Variants in PCDH7 observed in about 807,000 individuals in gnomAD.
PCDH7 encodes protocadherin-7.
In PCDH7, 17 loss-of-function variants were observed where a neutral mutation model predicts 58.9. That is an observed-to-expected ratio of 0.29 (90% CI 0.20 to 0.43). The LOEUF is 0.43. Among genes scored for constraint, PCDH7 ranks in the 20% least tolerant of loss-of-function variants. PCDH7 has a pLI of 1.00. For missense variants in PCDH7, 1,274 were observed against 1,441.0 expected, an observed-to-expected ratio of 0.88 and a Z score of 1.88; for synonymous variants, 664 against 616.4, an observed-to-expected ratio of 1.08 and a Z score of -1.14.
intron 1 of PCDH7, among the ~76,000 whole-genome samples, chr4:30,748,663 G>A (rs1317801538): frequency 1.3e-5 from 2 of 152,116 alleles, no homozygotes; most frequent in African/African-American, 2.4e-5. Flanking sequence ...TTTGATATAC[G>A]AATTTTGGGG....
chr4:31,045,925 G>GTCCTC (rs1756247896), intron 3 of PCDH7, among the ~76,000 whole-genome samples: 1 of 151,898 alleles, frequency 6.6e-6, no homozygotes, highest in African/African-American at 2.4e-5. Flanking sequence ...CCTCCAGAGG[G>GTCCTC]CACTGTCACC....
chr4:31,016,156 A>G (rs1266209487), intron 3 of PCDH7, among the ~76,000 whole-genome samples: 1 of 152,236 alleles, frequency 6.6e-6, no homozygotes, highest in Non-Finnish European at 1.5e-5. Flanking sequence ...TTAAAGTAAC[A>G]GCTATTAATG....
intron 2 of PCDH7, among the ~76,000 whole-genome samples, chr4:30,947,471 C>A (rs1460971108): frequency 6.6e-6 from 1 of 152,126 alleles, no homozygotes; most frequent in Admixed American, 6.5e-5. Flanking sequence ...ATGAGGGATG[C>A]TTTTATTATC....
intron 1 of PCDH7, among the ~76,000 whole-genome samples, chr4:30,748,449 T>C (rs1718061109): frequency 6.6e-6 from 1 of 152,178 alleles, no homozygotes; most frequent in Non-Finnish European, 1.5e-5. Flanking sequence ...AGTCCTCTCA[T>C]GTTGGAAGGC....
intron 3 of PCDH7, among the ~76,000 whole-genome samples, chr4:31,132,328 G>A (rs1047470982): frequency 4.9e-4 from 75 of 152,158 alleles, no homozygotes; most frequent in African/African-American, 1.7e-3. Flanking sequence ...ATGGGGGATA[G>A]CAAAGATAAA....
chr4:30,962,987 A>T (rs896117608), intron 3 of PCDH7, among the ~76,000 whole-genome samples: 1 of 152,110 alleles, frequency 6.6e-6, no homozygotes, highest in African/African-American at 2.4e-5. Context: ...TCACATTGTC[A>T]TCAGTGTTAT....
chr4:30,990,330 A>G (rs1289774517), intron 3 of PCDH7, among the ~76,000 whole-genome samples: 1 of 152,072 alleles, frequency 6.6e-6, no homozygotes, highest in East Asian at 1.9e-4. Flanking sequence ...TACACAATAT[A>G]TATAGAATAT....
intron 1 of PCDH7, among the ~76,000 whole-genome samples, chr4:30,864,116 CT>C (rs36090621): frequency 7.3e-5 from 11 of 151,086 alleles, no homozygotes; most frequent in East Asian, 5.9e-4. Context: ...AAGACCATCT[CT>C]TTTTTTTTGT....
chr4:30,968,376 C>CTATATATATATA lies in PCDH7; in HGVS notation c.*7+18189_*7+18200dup, dbSNP rs60085619. On this transcript the variant is annotated intron_variant, in intron 3 of 3. Coordinates refer to the PCDH7 transcript ENST00000509759. ...TACACACACTATATATATACACACA[C>CTATATATATATA]TATATATATATATATATATATATAT... Among the ~76,000 whole-genome samples, 464 of 66,896 alleles carry CTATATATATATA rather than the reference C, an allele frequency of 6.9e-3. 9 individuals are homozygous for CTATATATATATA. The highest frequency in any genetic ancestry group is 0.014 in the East Asian group (29 of 2,054). The allele number at this position is 66,896 out of a possible 152,430, so 43.9% of individuals were successfully genotyped here. A position where few individuals can be genotyped will look rare whatever the true frequency, so the allele number is the denominator to read the frequency against.
At chr4:31,124,732 T>C (rs1474006040) in intron 3 of PCDH7, among the ~76,000 whole-genome samples, 1 of 152,240 alleles carries the variant, frequency 6.6e-6, no homozygotes, top group Non-Finnish European at 1.5e-5. Context: ...GAAATAGTGC[T>C]TTGTGTTCAT....
At chr4:30,747,160 A>G (rs1717887803) in intron 1 of PCDH7, among the ~76,000 whole-genome samples, 1 of 152,146 alleles carries the variant, frequency 6.6e-6, no homozygotes, top group Non-Finnish European at 1.5e-5. Flanking sequence ...ATGTTTTAGT[A>G]TGGTTTATAT....
At chr4:31,043,617 A>G (rs1161508766) in intron 3 of PCDH7, among the ~76,000 whole-genome samples, 1 of 152,064 alleles carries the variant, frequency 6.6e-6, no homozygotes, top group Non-Finnish European at 1.5e-5. Context: ...CCCTTTGCTC[A>G]CTTTTTAATG....
At chr4:31,051,983 G>A (rs1407105859) in intron 3 of PCDH7, among the ~76,000 whole-genome samples, 1 of 152,014 alleles carries the variant, frequency 6.6e-6, no homozygotes, top group Non-Finnish European at 1.5e-5. Flanking sequence ...CTATTTTTCT[G>A]TGGTTTCATT....
chr4:30,973,023 C>T (rs1009410379), intron 3 of PCDH7, among the ~76,000 whole-genome samples: 2 of 152,058 alleles, frequency 1.3e-5, no homozygotes, highest in African/African-American at 4.8e-5. Flanking sequence ...ATACCTTTTC[C>T]AACCTTTCAA....
intron 1 of PCDH7, among the ~76,000 whole-genome samples, chr4:30,892,851 G>C (rs770436059): frequency 6.6e-6 from 1 of 152,000 alleles, no homozygotes; most frequent in Non-Finnish European, 1.5e-5. Flanking sequence ...TGCTTTCATG[G>C]ATTAGGGATA....
intron 1 of PCDH7, among the ~76,000 whole-genome samples, chr4:30,910,816 C>T (rs1168920486): frequency 6.6e-6 from 1 of 151,924 alleles, no homozygotes; most frequent in African/African-American, 2.4e-5. Context: ...GGGTATATAC[C>T]CAAAGGATTA....
At chr4:31,017,194 T>C (rs143359247) in intron 3 of PCDH7, among the ~76,000 whole-genome samples, 20 of 152,322 alleles carry the variant, frequency 1.3e-4, no homozygotes, top group African/African-American at 4.6e-4. Context: ...GTCTGAATCT[T>C]ACTATCTTCC....
intron 3 of PCDH7, among the ~76,000 whole-genome samples, chr4:31,020,344 TTCTC>T (rs981070133): frequency 1.7e-4 from 26 of 152,302 alleles, no homozygotes; most frequent in African/African-American, 5.5e-4. Flanking sequence ...GTACGTGAGA[TTCTC>T]TCCTCTCTCT....
chr4:31,106,946 C>T (rs1715649070), intron 3 of PCDH7, among the ~76,000 whole-genome samples: 1 of 152,156 alleles, frequency 6.6e-6, no homozygotes, highest in South Asian at 2.1e-4. Flanking sequence ...GTTTTCTAAG[C>T]ATTACGCTCT....
Sources: gnomAD v4.1 joint callset for allele counts (sites outside exome capture counted in the v4.1 genomes callset) on GRCh38, gnomAD v4.1.1 for gene constraint, MANE v1.5 for transcripts, NCBI Gene and HGNC (gene_info 2026-07-23, HGNC 2026-07-21) for gene names.